GLIS3: variants seen among roughly 807,000 people sequenced by gnomAD.
GLIS3 encodes GLIS family zinc finger 3, also known as zinc finger protein GLIS3.
In GLIS3, 53 loss-of-function variants were observed where a neutral mutation model predicts 78.6. The ratio of observed to expected loss-of-function variants is 0.67; its 90% CI spans 0.54 to 0.85. The LOEUF is 0.85. Ranked by LOEUF, GLIS3 falls within the 40% of genes least tolerant of loss-of-function variation. The pLI, the probability that GLIS3 is intolerant of heterozygous loss-of-function variation, is 0.00. For missense variants in GLIS3, 1,703 were observed against 1,231.1 expected, an observed-to-expected ratio of 1.38 and a Z score of -5.74; for synonymous variants, 684 against 509.9, an observed-to-expected ratio of 1.34 and a Z score of -4.60.
intron 4 of GLIS3, among the ~76,000 whole-genome samples, chr9:3,940,503 A>C (rs1815802159): frequency 6.6e-6 from 1 of 152,198 alleles, no homozygotes; most frequent in African/African-American, 2.4e-5. Flanking sequence ...ATTGAACAAT[A>C]TCCTATGTTC....
chr9:4,424,257 A>G, the GLIS3 span, among the ~76,000 whole-genome samples: 1 of 152,218 alleles, frequency 6.6e-6, no homozygotes, highest in African/African-American at 2.4e-5. Flanking sequence ...GATTTTCTTC[A>G]TGACCCCAAC....
At chr9:4,074,239 C>A (rs890259595) in intron 4 of GLIS3, among the ~76,000 whole-genome samples, 2 of 152,170 alleles carry the variant, frequency 1.3e-5, no homozygotes, top group African/African-American at 4.8e-5. Flanking sequence ...GTCCCCAAAC[C>A]ATAGTTTGGG....
At chr9:4,409,734 A>T in the GLIS3 span, among the ~76,000 whole-genome samples, 2 of 151,950 alleles carry the variant, frequency 1.3e-5, no homozygotes, top group Non-Finnish European at 2.9e-5. Flanking sequence ...ATGATAAATC[A>T]CAAACTATCA....
At chr9:4,047,683 G>A (rs1046696623) in intron 4 of GLIS3, among the ~76,000 whole-genome samples, 2 of 152,266 alleles carry the variant, frequency 1.3e-5, no homozygotes, top group South Asian at 2.1e-4. Context: ...GTAATATAAC[G>A]ATGTCAGTAT....
At chr9:4,010,347 C>T (rs1008123748) in intron 4 of GLIS3, among the ~76,000 whole-genome samples, 2 of 152,152 alleles carry the variant, frequency 1.3e-5, no homozygotes, top group Non-Finnish European at 2.9e-5. Context: ...AATCACTTTA[C>T]AGGACAGTTG....
intron 2 of GLIS3, among the ~76,000 whole-genome samples, chr9:4,168,237 C>T (rs190860495): frequency 1.3e-5 from 2 of 152,086 alleles, no homozygotes; most frequent in East Asian, 3.9e-4. Context: ...AAGCTTCAGA[C>T]TAGCTCTCTG....
At chr9:4,389,623 G>C in the GLIS3 span, among the ~76,000 whole-genome samples, 1 of 152,102 alleles carries the variant, frequency 6.6e-6, no homozygotes, top group Non-Finnish European at 1.5e-5. Flanking sequence ...TCTTAGTCCT[G>C]GACACTGGAA....
chr9:4,414,790 A>G, the GLIS3 span, among the ~76,000 whole-genome samples: 8 of 151,762 alleles, frequency 5.3e-5, no homozygotes, highest in East Asian at 1.9e-4. Flanking sequence ...TCAATGTCCA[A>G]TTTGGTTTCT....
chr9:4,362,532 C>T, the GLIS3 span, among the ~76,000 whole-genome samples: 53 of 152,328 alleles, frequency 3.5e-4, no homozygotes, highest in Non-Finnish European at 5.4e-4. Flanking sequence ...ATTTTTCAAA[C>T]AGCACTCAAA....
intron 4 of GLIS3, chr9:4,035,029 T>C (rs942124165): frequency 6.6e-6 from 1 of 152,190 alleles, no homozygotes; most frequent in Non-Finnish European, 1.5e-5. Context: ...ATATGTTTGC[T>C]TCTGATAGAA....
chr9:4,457,136 G>C, the GLIS3 span, among the ~76,000 whole-genome samples: 1 of 152,058 alleles, frequency 6.6e-6, no homozygotes, highest in African/African-American at 2.4e-5. Context: ...GCTGAGGTGG[G>C]AGGATTGCTT....
chr9:4,376,889 C>T, the GLIS3 span, among the ~76,000 whole-genome samples: 7 of 134,644 alleles, frequency 5.2e-5, 2 homozygotes, highest in Non-Finnish European at 1.2e-4. Flanking sequence ...CTTGCAAATG[C>T]GCGTGTTCTT....
chr9:4,246,688 T>A (rs146770823), intron 2 of GLIS3, among the ~76,000 whole-genome samples: 1 of 152,198 alleles, frequency 6.6e-6, no homozygotes, highest in Admixed American at 6.5e-5. Flanking sequence ...TAAAGTTATA[T>A]GTAAGAGCTG....
At chr9:4,471,418 A>C in the GLIS3 span, among the ~76,000 whole-genome samples, 1 of 152,192 alleles carries the variant, frequency 6.6e-6, no homozygotes, top group Admixed American at 6.5e-5. Flanking sequence ...ATATAGACCA[A>C]TGGAACAGAA....
In GLIS3 at chr9:4,336,728, T is replaced by C. The variant is rs145702209; in HGVS notation, n.264+10353A>G. Among the ~76,000 whole-genome samples, 365 of 152,334 alleles carry C rather than the reference T, an allele frequency of 2.4e-3. 1 individual carries two copies. Among genetic ancestry groups the C allele is most frequent in the Non-Finnish European group, 3.0e-3 (202 of 68,032 alleles). Reference sequence around the variant, plus strand: ...ATGGGAAACGTGCGATGTTCACTGCTCCAGAGCTCATGTCCCAAGTCCTAT... The same window carrying C: ...ATGGGAAACGTGCGATGTTCACTGCCCCAGAGCTCATGTCCCAAGTCCTAT... On this transcript the variant is annotated intron_variant and non_coding_transcript_variant, in intron 2 of 4. Transcript: ENST00000471664.
chr9:4,221,428 CAT>C (rs1037207776), intron 2 of GLIS3, among the ~76,000 whole-genome samples: 1 of 152,134 alleles, frequency 6.6e-6, no homozygotes, highest in Non-Finnish European at 1.5e-5. Context: ...AAACTTCAAA[CAT>C]GTGCAAAACA....
intron 2 of GLIS3, among the ~76,000 whole-genome samples, chr9:4,169,467 C>G (rs530194871): frequency 3.3e-4 from 51 of 152,250 alleles, no homozygotes; most frequent in African/African-American, 1.1e-3. Context: ...TCACAGCTAC[C>G]ACTTAATGTG....
At chr9:4,439,011 A>G in the GLIS3 span, among the ~76,000 whole-genome samples, 1 of 152,208 alleles carries the variant, frequency 6.6e-6, no homozygotes, top group Non-Finnish European at 1.5e-5. Context: ...AATCACAGAC[A>G]TGGGGTTATA....
chr9:4,373,484 G>A, the GLIS3 span, among the ~76,000 whole-genome samples: 3 of 152,040 alleles, frequency 2.0e-5, no homozygotes, highest in Non-Finnish European at 4.4e-5. Context: ...CTGCTCTGGG[G>A]GGAAAAACTG....
Sources: gnomAD v4.1 joint callset for allele counts (sites outside exome capture counted in the v4.1 genomes callset) on GRCh38, gnomAD v4.1.1 for gene constraint, MANE v1.5 for transcripts, NCBI Gene and HGNC (gene_info 2026-07-23, HGNC 2026-07-21) for gene names.